ABLIM1: variants seen among roughly 807,000 people sequenced by gnomAD.
ABLIM1 encodes actin-binding LIM protein 1.
Under a neutral mutation model 107.0 loss-of-function variants are expected in ABLIM1, and 40 were observed. The ratio of observed to expected loss-of-function variants is 0.37; its 90% CI spans 0.29 to 0.49. The LOEUF (loss-of-function observed/expected upper bound fraction) is 0.49, where lower values mean the gene tolerates loss of function less well. ABLIM1 is among the 20% of genes least tolerant of loss of function. ABLIM1 has a pLI of 0.97. For synonymous variants in ABLIM1, 357 were observed against 357.3 expected (o/e 1.00, Z 0.01); for missense variants, 857 against 1,008.5 (o/e 0.85, Z 2.04).
chr10:114,689,888 G>T (rs1387812750), upstream of ABLIM1, among the ~76,000 whole-genome samples: 1 of 152,022 alleles, frequency 6.6e-6, no homozygotes, highest in Non-Finnish European at 1.5e-5. Context: ...GCTTGATGCT[G>T]CCCCTTAGCA....
At chr10:114,729,676 T>C (rs2082032842) in intron 1 of ABLIM1, among the ~76,000 whole-genome samples, 1 of 152,082 alleles carries the variant, frequency 6.6e-6, no homozygotes, top group African/African-American at 2.4e-5. Context: ...AACCATATTT[T>C]GAGAAATAGG....
intron 6 of ABLIM1, among the ~76,000 whole-genome samples, chr10:114,506,486 A>G (rs1431398976): frequency 2.0e-5 from 3 of 152,182 alleles, no homozygotes; most frequent in African/African-American, 4.8e-5. Context: ...CCAGCAGTGT[A>G]TAAGCGTTCC....
chr10:114,729,805 A>C (rs934753330), intron 1 of ABLIM1, among the ~76,000 whole-genome samples: 2 of 152,144 alleles, frequency 1.3e-5, no homozygotes, highest in African/African-American at 4.8e-5. Flanking sequence ...GGCCAGTACA[A>C]TTACTGGGTA....
upstream of ABLIM1, among the ~76,000 whole-genome samples, chr10:114,769,378 GAGAC>G (rs201079444): frequency 2.1e-3 from 290 of 136,576 alleles, no homozygotes; most frequent in African/African-American, 7.3e-3. Flanking sequence ...AAGAGAGAAA[GAGAC>G]AGACAAGAAA....
intron 1 of ABLIM1, among the ~76,000 whole-genome samples, chr10:114,641,247 TAAAAAAAAAAAAAA>T (rs35168530): frequency 1.6e-4 from 6 of 37,060 alleles, no homozygotes; most frequent in Admixed American, 1.1e-3. Flanking sequence ...AAGCCAATCA[TAAAAAAAAAAAAAA>T]AAAAAAAAAA....
chr10:114,622,403 C>T (rs1030103703), intron 1 of ABLIM1, among the ~76,000 whole-genome samples: 12 of 151,940 alleles, frequency 7.9e-5, no homozygotes, highest in African/African-American at 2.7e-4. Context: ...CACACACCAC[C>T]ATGCATGGCT....
chr10:114,690,934 G>C (rs1449155803), intron 1 of ABLIM1, among the ~76,000 whole-genome samples: 1 of 152,148 alleles, frequency 6.6e-6, no homozygotes, highest in African/African-American at 2.4e-5. Flanking sequence ...CTCCTGCCTT[G>C]GTCTCTCAAA....
At chr10:114,685,022 T>A (rs1247592682), upstream of ABLIM1, 3 of 152,394 alleles carry the variant, frequency 2.0e-5, no homozygotes, top group African/African-American at 4.8e-5. Context: ...CCGTGGACTT[T>A]GAGCCTTTTT....
At position 114,485,739 on chromosome 10, in the gene ABLIM1, T is replaced by TA. The variant is rs781747312; in HGVS notation, c.1041+2218dup. On this transcript the variant is annotated intron_variant, in intron 8 of 22. Transcript: ENST00000533213. ...CAAATGCCCCATGAGTTCTTAAATATAAAAAATGTGGACTACCCAGTGGGT... is the reference window on the plus strand; with the variant it reads ...CAAATGCCCCATGAGTTCTTAAATATAAAAAAATGTGGACTACCCAGTGGGT... Among the ~76,000 whole-genome samples the TA allele has an allele frequency of 7.2e-5, 11 of 152,322 alleles. 1 individual carries two copies. In the South Asian group the frequency reaches 2.3e-3, roughly 32 times the overall value.
chr10:114,468,089 G>T, intron 11 of ABLIM1, 92 bp downstream of exon 11: 1 of 1,180,566 alleles, frequency 8.5e-7, no homozygotes. Flanking sequence ...TCTTTTGTAT[G>T]TTATGTTCTT....
chr10:114,598,339 T>C (rs1167744398), intron 2 of ABLIM1, among the ~76,000 whole-genome samples: 1 of 146,728 alleles, frequency 6.8e-6, no homozygotes, highest in Non-Finnish European at 1.5e-5. Flanking sequence ...TGTATCCCCA[T>C]GCTTTGGGAG....
intron 1 of ABLIM1, among the ~76,000 whole-genome samples, chr10:114,710,541 C>T (rs1368730395): frequency 6.6e-6 from 1 of 152,208 alleles, no homozygotes; most frequent in African/African-American, 2.4e-5. Context: ...CCTCCCACAA[C>T]ATGTGCAAAT....
intron 19 of ABLIM1, 41 bp downstream of exon 19, chr10:114,440,976 G>T: frequency 1.3e-6 from 2 of 1,557,128 alleles, no homozygotes; most frequent in Admixed American, 1.9e-5. Flanking sequence ...CAGCCTCGAG[G>T]GAAGACGTGG....
chr10:114,774,249 G>A, the ABLIM1 span, among the ~76,000 whole-genome samples: 1 of 152,226 alleles, frequency 6.6e-6, no homozygotes, highest in African/African-American at 2.4e-5. Flanking sequence ...TTAGTTATTG[G>A]ACAACAGGCA....
intron 1 of ABLIM1, among the ~76,000 whole-genome samples, chr10:114,703,962 G>GA (rs2141869021): frequency 6.6e-6 from 1 of 152,182 alleles, no homozygotes; most frequent in East Asian, 1.9e-4. Context: ...TTTATCCCTG[G>GA]AAAAATGTGT....
intron 1 of ABLIM1, among the ~76,000 whole-genome samples, chr10:114,643,579 CTTT>C (rs34191046): frequency 7.3e-5 from 10 of 136,722 alleles, no homozygotes; most frequent in Admixed American, 2.2e-4. Context: ...TATCCAGATT[CTTT>C]TTTTTTTTTT....
chr10:114,531,284 G>A (rs999730150), intron 6 of ABLIM1, among the ~76,000 whole-genome samples: 6 of 152,168 alleles, frequency 3.9e-5, no homozygotes, highest in African/African-American at 1.2e-4. Context: ...TTGAGGCCCG[G>A]TATGTGAGGC....
chr10:114,637,034 TTA>T (rs1566153669), intron 1 of ABLIM1, among the ~76,000 whole-genome samples: 1 of 82,780 alleles, frequency 1.2e-5, no homozygotes. Flanking sequence ...CGCTGTCTCT[TTA>T]AAAAAAAAAA....
intron 1 of ABLIM1, among the ~76,000 whole-genome samples, chr10:114,728,097 G>A (rs35182174): frequency 0.01 from 1,538 of 152,100 alleles, 25 homozygotes; most frequent in African/African-American, 0.033. Context: ...ACTAATAGTC[G>A]GTTCACAACT....
Sources: allele counts gnomAD v4.1 joint callset (sites outside exome capture counted in the v4.1 genomes callset), GRCh38; gene constraint gnomAD v4.1.1; transcripts MANE v1.5; gene names NCBI Gene and HGNC (gene_info 2026-07-23, HGNC 2026-07-21).